Variants in SORCS1 observed in about 807,000 individuals in gnomAD.
SORCS1 encodes VPS10 domain-containing receptor SorCS1.
SORCS1 carries 60 observed loss-of-function variants against 146.1 expected under a neutral mutation model. The observed-to-expected ratio is 0.41, with a 90% CI of 0.33 to 0.51. SORCS1 has a LOEUF of 0.51. Among genes scored for constraint, SORCS1 ranks in the 20% least tolerant of loss-of-function variants. SORCS1 has a pLI of 0.21. For synonymous variants in SORCS1, 637 were observed against 584.0 expected, an observed-to-expected ratio of 1.09 and a Z score of -1.31; for missense variants, 1,352 against 1,487.6, an observed-to-expected ratio of 0.91 and a Z score of 1.50.
At chr10:106,871,190 T>C (rs1259414268) in intron 2 of SORCS1, among the ~76,000 whole-genome samples, 1 of 152,094 alleles carries the variant, frequency 6.6e-6, no homozygotes, top group African/African-American at 2.4e-5. Context: ...TACTAAAAAG[T>C]CAACAAATAA....
At chr10:106,683,570 T>C (rs1233292267) in intron 10 of SORCS1, among the ~76,000 whole-genome samples, 1 of 152,200 alleles carries the variant, frequency 6.6e-6, no homozygotes, top group Non-Finnish European at 1.5e-5. Flanking sequence ...CACCATGTAA[T>C]AAATCAACTT....
intron 1 of SORCS1, among the ~76,000 whole-genome samples, chr10:107,063,323 A>G (rs1271416790): frequency 6.6e-6 from 1 of 152,220 alleles, no homozygotes; most frequent in Non-Finnish European, 1.5e-5. Context: ...CTGTTTTAGA[A>G]AAAGCTTCAG....
intron 1 of SORCS1, among the ~76,000 whole-genome samples, chr10:107,102,760 C>T (rs1263058384): frequency 6.6e-6 from 1 of 152,024 alleles, no homozygotes; most frequent in Non-Finnish European, 1.5e-5. Context: ...AATGCACACA[C>T]AATTAGAGGG....
At position 106,845,994 on chromosome 10, in the gene SORCS1, C is replaced by T. The variant is rs1308250358; in HGVS notation, c.627-16321G>A. On this transcript the variant is annotated intron_variant, in intron 2 of 25. Transcript: ENST00000263054. ...TGTTTTAGTTACTGTAGCCTTGTAG[C>T]ATAGTTTGCAGTCAGGTAGTGTGAT... 3.7e-3 allele frequency among the ~76,000 whole-genome samples: 484 copies of T among 129,442 alleles called. 8 individuals carry two copies. Among genetic ancestry groups the T allele is most frequent in the African/African-American group, 0.012 (467 of 39,306 alleles). 84.9% of individuals were successfully genotyped at this position (129,442 alleles called of 152,430 possible). A position where few individuals can be genotyped will look rare whatever the true frequency, so the allele number is the denominator to read the frequency against.
At chr10:106,974,172 G>T (rs1955902333) in intron 1 of SORCS1, among the ~76,000 whole-genome samples, 1 of 152,160 alleles carries the variant, frequency 6.6e-6, no homozygotes, top group Non-Finnish European at 1.5e-5. Flanking sequence ...CAAACATGGG[G>T]CCTAAGTGAT....
intron 1 of SORCS1, among the ~76,000 whole-genome samples, chr10:107,108,328 C>T (rs1279758564): frequency 6.6e-6 from 1 of 152,154 alleles, no homozygotes; most frequent in Non-Finnish European, 1.5e-5. Context: ...GCAGGCTTTA[C>T]AGAAAGCATG....
chr10:106,984,534 C>T (rs1476576225), intron 1 of SORCS1, among the ~76,000 whole-genome samples: 2 of 151,702 alleles, frequency 1.3e-5, no homozygotes, highest in Admixed American at 1.3e-4. Flanking sequence ...GCTGGGACTA[C>T]AGGTGCCCTC....
chr10:106,829,851 A>T (rs1290064925), intron 2 of SORCS1, among the ~76,000 whole-genome samples, 178 bp from the exon 3 acceptor site: 3 of 152,204 alleles, frequency 2.0e-5, no homozygotes, highest in Non-Finnish European at 4.4e-5. Context: ...TAAAATTTGC[A>T]TTTAGATTGA....
intron 6 of SORCS1, among the ~76,000 whole-genome samples, chr10:106,726,180 C>CCTCT (rs1396305538): frequency 1.8e-5 from 2 of 112,488 alleles, no homozygotes; most frequent in African/African-American, 7.4e-5. Context: ...AATCTCTTTC[C>CCTCT]CTCTCTTTTT....
intron 2 of SORCS1, among the ~76,000 whole-genome samples, chr10:106,847,990 G>T (rs1949376840): frequency 6.8e-6 from 1 of 147,336 alleles, no homozygotes; most frequent in Admixed American, 6.8e-5. Flanking sequence ...TTGCTGAGGA[G>T]AGCTTTACTT....
chr10:106,968,098 T>G (rs540771470), intron 1 of SORCS1, among the ~76,000 whole-genome samples: 1 of 151,144 alleles, frequency 6.6e-6, no homozygotes, highest in Admixed American at 6.6e-5. Flanking sequence ...TAGTCCCAGT[T>G]ACTCGGGAGG....
intron 2 of SORCS1, among the ~76,000 whole-genome samples, chr10:106,833,290 A>C (rs974068835): frequency 6.6e-6 from 1 of 152,190 alleles, no homozygotes; most frequent in Admixed American, 6.5e-5. Flanking sequence ...AGAATTGCCT[A>C]TTTAAACATC....
intron 1 of SORCS1, among the ~76,000 whole-genome samples, chr10:106,971,915 G>A (rs4528244): frequency 0.045 from 6,827 of 152,220 alleles, 504 homozygotes; most frequent in African/African-American, 0.15. Context: ...CTGTGTAATA[G>A]GAGCAAGGCC....
chr10:106,704,249 T>G (rs141463343), intron 8 of SORCS1, among the ~76,000 whole-genome samples: 3 of 152,314 alleles, frequency 2.0e-5, no homozygotes, highest in Non-Finnish European at 4.4e-5. Flanking sequence ...GATGGGGTGA[T>G]GATGCTATGT....
chr10:107,144,411 C>T (rs1380082197), intron 1 of SORCS1, among the ~76,000 whole-genome samples: 1 of 152,202 alleles, frequency 6.6e-6, no homozygotes, highest in Non-Finnish European at 1.5e-5. Flanking sequence ...CTGTTGGGCA[C>T]ATGCATCCAT....
chr10:106,929,327 T>C (rs924765008), intron 2 of SORCS1, among the ~76,000 whole-genome samples: 1 of 152,034 alleles, frequency 6.6e-6, no homozygotes, highest in African/African-American at 2.4e-5. Flanking sequence ...TGGCAGTTAA[T>C]AGAAAAATTC....
rs557310309 is a variant in SORCS1 at position 107,092,595 on chromosome 10, T to C, written c.558+71374A>G. On this transcript the variant is annotated intron_variant, in intron 1 of 25. Transcript: ENST00000263054. Reference sequence around the variant, plus strand: ...GGCTCCTTCATTCTTCTTACTGAGCTCCCATTCAGGAATCAAACACATACT... The same window carrying C: ...GGCTCCTTCATTCTTCTTACTGAGCCCCCATTCAGGAATCAAACACATACT... Among the ~76,000 whole-genome samples the C allele has an allele frequency of 1.4e-4, 22 of 152,240 alleles. 1 individual carries two copies. Among genetic ancestry groups the C allele is most frequent in the Non-Finnish European group, 2.8e-4 (19 of 68,010 alleles).
Position 106,813,011 on chromosome 10 carries a change from T to A in SORCS1, c.726+16563A>T, listed in dbSNP as rs532535797. 2.6e-5 allele frequency among the ~76,000 whole-genome samples: 4 copies of A among 152,202 alleles called. No individual in the cohort carries two copies. In the East Asian group the frequency reaches 7.7e-4, roughly 29 times the overall value. ...CTCCAAGAATCATCATTTAGGGCAATGGTATCTAAGCAGATCCTTGCACCA... is the reference window on the plus strand; with the variant it reads ...CTCCAAGAATCATCATTTAGGGCAAAGGTATCTAAGCAGATCCTTGCACCA... On this transcript the variant is annotated intron_variant, in intron 3 of 25. Coordinates refer to ENST00000263054, the MANE Select transcript of SORCS1 (RefSeq NM_052918.5).
chr10:107,068,944 A>G (rs1962173200), intron 1 of SORCS1, among the ~76,000 whole-genome samples: 1 of 152,134 alleles, frequency 6.6e-6, no homozygotes, highest in Non-Finnish European at 1.5e-5. Context: ...CCCAAGTACA[A>G]TAAGCAATTA....
Sources: gnomAD v4.1 joint callset for allele counts (sites outside exome capture counted in the v4.1 genomes callset) on GRCh38, gnomAD v4.1.1 for gene constraint, MANE v1.5 for transcripts, NCBI Gene and HGNC (gene_info 2026-07-23, HGNC 2026-07-21) for gene names.